PRKDC: variants seen among roughly 807,000 people sequenced by gnomAD.
The protein encoded by PRKDC is protein kinase, DNA-activated, catalytic subunit.
A neutral mutation model predicts 486.9 loss-of-function variants in PRKDC; 82 were observed. That is an observed-to-expected ratio of 0.17 (90% CI 0.14 to 0.20). PRKDC has a LOEUF of 0.20. Ranked by LOEUF, PRKDC falls within the 10% of genes least tolerant of loss-of-function variation. PRKDC has a pLI of 1.00. For synonymous variants in PRKDC, 1,895 were observed against 1,837.0 expected (o/e 1.03, Z -0.81); for missense variants, 4,504 against 5,038.2 (o/e 0.89, Z 3.21).
chr8:47,894,263 TGA>T (rs1190140981), intron 30 of PRKDC, among the ~76,000 whole-genome samples: 1 of 151,644 alleles, frequency 6.6e-6, no homozygotes, highest in Admixed American at 6.6e-5. Context: ...AGCTACAGAG[TGA>T]GACTCGGTAT....
chr8:47,942,742 C>T (rs747434234), intron 10 of PRKDC, among the ~76,000 whole-genome samples: 8 of 152,338 alleles, frequency 5.3e-5, no homozygotes, highest in Middle Eastern at 3.4e-3. Flanking sequence ...CTCAGCCGAC[C>T]AGACAAGCTT....
At chr8:47,936,194 C>T (rs143260509) in intron 12 of PRKDC, among the ~76,000 whole-genome samples, 159 bp downstream of exon 12, 2 of 152,220 alleles carry the variant, frequency 1.3e-5, no homozygotes, top group East Asian at 1.9e-4. Context: ...AACAAAAAAT[C>T]GAGTTTCATG....
In PRKDC at chr8:47,960,116, G is replaced by A. The variant is rs1406641105; in HGVS notation, c.11C>T (p.Ser4Phe). The change falls in exon 1 of 86, where the codon TCC (serine) becomes TTC (phenylalanine). Residue 4 changes from serine to phenylalanine, a missense_variant. By Grantham distance (155) the Ser-to-Phe change is radical. Coordinates refer to ENST00000314191, the MANE Select transcript of PRKDC (RefSeq NM_006904.7). MAG[S>F]GAGVRCSLLR... ...CAGGGAGCAACGCACACCGGCTCCGGAGCCCGCCATGCCGCCGAGTCCCGC... is the reference window on the plus strand; with the variant it reads ...CAGGGAGCAACGCACACCGGCTCCGAAGCCCGCCATGCCGCCGAGTCCCGC... 11 of 1,502,882 alleles carry A rather than the reference G, an allele frequency of 7.3e-6. No individual in the cohort carries two copies. Among genetic ancestry groups the A allele is most frequent in the Non-Finnish European group, 8.8e-6 (10 of 1,129,972 alleles). 93.1% of individuals were successfully genotyped at this position (1,502,882 alleles called of 1,614,324 possible). A position where few individuals can be genotyped will look rare whatever the true frequency, so the allele number is the denominator to read the frequency against.
intron 21 of PRKDC, among the ~76,000 whole-genome samples, chr8:47,920,378 A>G (rs2154503109): frequency 6.6e-6 from 1 of 151,814 alleles, no homozygotes; most frequent in East Asian, 1.9e-4. Context: ...CTTTGCAAGT[A>G]TGTGTCTATA....
At chr8:47,868,325 G>C (rs949286815) in intron 40 of PRKDC, among the ~76,000 whole-genome samples, 2 of 151,700 alleles carry the variant, frequency 1.3e-5, no homozygotes, top group Non-Finnish European at 2.9e-5. Flanking sequence ...TGGAGGCTGA[G>C]AAAGAAGGAT....
chr8:47,947,380 TC>T (rs1476702018), intron 7 of PRKDC, among the ~76,000 whole-genome samples: 1 of 152,218 alleles, frequency 6.6e-6, no homozygotes, highest in East Asian at 1.9e-4. Flanking sequence ...CTTTATTTGT[TC>T]ATCTGTCTCC....
At chr8:47,852,863 C>A in intron 51 of PRKDC, 79 bp from the exon 52 acceptor site, 1 of 964,736 alleles carries the variant, frequency 1.0e-6, no homozygotes, top group Non-Finnish European at 1.6e-6. Flanking sequence ...AATTTTCCTT[C>A]TCATGTCATA....
rs368762969 is a variant in PRKDC, at chr8:47,840,056, G to C, written c.7414C>G (p.Gln2472Glu). Reference sequence around the variant, plus strand: ...ATCCACATGAGAATATTATACATTTGTTCCCTACATGTTGTAGAAGGATGG... The same window carrying C: ...ATCCACATGAGAATATTATACATTTCTTCCCTACATGTTGTAGAAGGATGG... ...VSHPSTTCRE[Q>E]MYNILMWIHD... The change falls in exon 55 of 86, where the codon CAA (glutamine) becomes GAA (glutamate). Residue 2472 changes from glutamine (Q) to glutamate (E), a missense_variant. Gln to Glu is a conservative substitution (Grantham distance 29). Transcript: ENST00000314191. 81 of 1,554,726 alleles carry C rather than the reference G, an allele frequency of 5.2e-5. No individual in the cohort carries two copies. The highest frequency in any genetic ancestry group is 7.0e-5 in the Non-Finnish European group (80 of 1,147,486).
At chr8:47,906,104 T>A (rs1048204642) in intron 25 of PRKDC, among the ~76,000 whole-genome samples, 1 of 152,200 alleles carries the variant, frequency 6.6e-6, no homozygotes, top group Non-Finnish European at 1.5e-5. Context: ...TCCCAGCATT[T>A]TGAGAGGCCA....
chr8:47,787,742 A>G (rs1351523437), intron 76 of PRKDC, among the ~76,000 whole-genome samples: 1 of 152,178 alleles, frequency 6.6e-6, no homozygotes, highest in East Asian at 1.9e-4. Context: ...GAATTCCGAC[A>G]CAACGTGCAC....
intron 56 of PRKDC, among the ~76,000 whole-genome samples, chr8:47,838,730 C>T (rs189924491): frequency 2.7e-3 from 408 of 152,340 alleles, no homozygotes; most frequent in Middle Eastern, 0.014. Context: ...AATCATCATT[C>T]ACACTTTCAT....
chr8:47,943,722 T>C lies in PRKDC; in HGVS notation c.808+131A>G, dbSNP rs1247315638. On this transcript the variant is annotated intron_variant, in intron 9 of 85. Transcript: ENST00000314191. ...CTTACTAAGTCACCGAAAGCCTCCC[T>C]GTAAATAACTGTGTGTGAAACATCA... The C allele has an allele frequency of 1.5e-5, 13 of 847,962 alleles. No individual in the cohort carries two copies. In the East Asian group the frequency reaches 2.9e-4, roughly 19 times the overall value. 52.5% of individuals were successfully genotyped at this position (847,962 alleles called of 1,614,324 possible). A position where few individuals can be genotyped will look rare whatever the true frequency, so the allele number is the denominator to read the frequency against.
At chr8:47,954,512 T>C (rs1347382696) in intron 4 of PRKDC, 66 bp from the exon 5 acceptor site, 2 of 582,018 alleles carry the variant, frequency 3.4e-6, no homozygotes, top group East Asian at 6.6e-5. Flanking sequence ...CAATACAAAT[T>C]AGCATTCTCT....
At chr8:47,894,894 C>T (rs538522215) in intron 30 of PRKDC, among the ~76,000 whole-genome samples, 2 of 152,116 alleles carry the variant, frequency 1.3e-5, no homozygotes, top group Non-Finnish European at 2.9e-5. Context: ...CATATTAATA[C>T]CAAGACCCTA....
At chr8:47,896,044 A>G (rs894919691) in intron 30 of PRKDC, among the ~76,000 whole-genome samples, 1 of 152,068 alleles carries the variant, frequency 6.6e-6, no homozygotes, top group Non-Finnish European at 1.5e-5. Flanking sequence ...GTCTCGGGGG[A>G]AAAAAAATTT....
Position 47,775,192 on chromosome 8 carries a change from T to A in PRKDC, c.12183-815A>T, listed in dbSNP as rs565532836. 2.4e-3 allele frequency among the ~76,000 whole-genome samples: 362 copies of A among 149,816 alleles called. 3 individuals are homozygous for A. The highest frequency in any genetic ancestry group is 0.013 in the South Asian group (61 of 4,718). On this transcript the variant is annotated intron_variant, in intron 85 of 85. Coordinates refer to ENST00000314191, the MANE Select transcript of PRKDC (RefSeq NM_006904.7). ...ACAGAGCAAGACTTTGTCTCAAAAA[T>A]AAATAAATAAATAAATAAATAAATT...
At chr8:47,938,318 G>C (rs1334049375) in intron 11 of PRKDC, among the ~76,000 whole-genome samples, 2 of 151,686 alleles carry the variant, frequency 1.3e-5, no homozygotes, top group Admixed American at 6.6e-5. Context: ...GGCTGAGGCA[G>C]GAGAATTGCT....
At chr8:47,947,717 G>C (rs997074352) in intron 7 of PRKDC, among the ~76,000 whole-genome samples, 2 of 152,190 alleles carry the variant, frequency 1.3e-5, no homozygotes, top group African/African-American at 4.8e-5. Context: ...AGACCAGCCT[G>C]GGCAACATGG....
In PRKDC at chr8:47,819,347, G is replaced by A. The variant is rs528686291; in HGVS notation, c.9445+55C>T. On this transcript the variant is annotated intron_variant, in intron 67 of 85. Coordinates refer to ENST00000314191, the MANE Select transcript of PRKDC (RefSeq NM_006904.7). ...TCACTAAGCAGAAAATAATTTAGAT[G>A]CTAAAACTCTTCCACAATTAGAAAT... The A allele has an allele frequency of 6.8e-6, 8 of 1,175,222 alleles. No homozygotes were observed. The African/African-American group carries it at 1.1e-4, about 17-fold the overall frequency. The allele number at this position is 1,175,222 out of a possible 1,614,324, so 72.8% of individuals were successfully genotyped here. A position where few individuals can be genotyped will look rare whatever the true frequency, so the allele number is the denominator to read the frequency against.
Sources: allele counts gnomAD v4.1 joint callset (sites outside exome capture counted in the v4.1 genomes callset), GRCh38; gene constraint gnomAD v4.1.1; transcripts MANE v1.5; gene names NCBI Gene and HGNC (gene_info 2026-07-23, HGNC 2026-07-21).